Variants in IGDCC3 observed in about 807,000 individuals in gnomAD.
IGDCC3 encodes the protein immunoglobulin superfamily DCC subclass member 3.
In IGDCC3, 47 loss-of-function variants were observed where a neutral mutation model predicts 72.0. That is an observed-to-expected ratio of 0.65 (90% confidence interval 0.52 to 0.83). The LOEUF is 0.83. IGDCC3 is among the 40% of genes least tolerant of loss of function. The pLI is 0.00. For missense variants in IGDCC3, 1,038 were observed against 1,091.3 expected, an observed-to-expected ratio of 0.95 and a Z score of 0.69; for synonymous variants, 477 against 472.8, an observed-to-expected ratio of 1.01 and a Z score of -0.11.
At chr15:65,341,446 C>A (rs1024005371) in intron 2 of IGDCC3, among the ~76,000 whole-genome samples, 1 of 152,156 alleles carries the variant, frequency 6.6e-6, no homozygotes, top group Non-Finnish European at 1.5e-5. Context: ...CAGCATTATT[C>A]ACAATAGCTA....
chr15:65,334,966 GC>G, intron 4 of IGDCC3, 101 bp from the exon 5 acceptor site: 1 of 1,350,418 alleles, frequency 7.4e-7, no homozygotes, highest in Non-Finnish European at 9.9e-7. Flanking sequence ...ACAAACACCA[GC>G]CCAGAAACCA....
chr15:65,331,919 C>G (rs2090981271), intron 7 of IGDCC3, 22 bp downstream of exon 7: 2 of 1,607,172 alleles, frequency 1.2e-6, no homozygotes, highest in Non-Finnish European at 8.5e-7. Flanking sequence ...GGTCCTCACC[C>G]CAGCACACAC....
intron 2 of IGDCC3, among the ~76,000 whole-genome samples, chr15:65,358,160 C>T (rs549602160): frequency 1.4e-4 from 21 of 149,654 alleles, no homozygotes; most frequent in African/African-American, 5.2e-4. Context: ...GGCTGGAGTA[C>T]GGTGGCGTGA....
chr15:65,340,588 A>G (rs1462079686), intron 2 of IGDCC3, among the ~76,000 whole-genome samples: 1 of 152,106 alleles, frequency 6.6e-6, no homozygotes, highest in Non-Finnish European at 1.5e-5. Context: ...AGGGACACGC[A>G]GCCTTTTGGA....
chr15:65,375,535 T>C (rs1417430675), intron 1 of IGDCC3, 133 bp from the exon 2 acceptor site: 1 of 683,596 alleles, frequency 1.5e-6, no homozygotes, highest in African/African-American at 1.8e-5. Flanking sequence ...GTAATGTTAA[T>C]AGGAATTCCT....
At chr15:65,333,443 T>C (rs2090997839) in intron 5 of IGDCC3, 28 bp from the exon 6 acceptor site, 4 of 1,571,388 alleles carry the variant, frequency 2.5e-6, no homozygotes, top group African/African-American at 1.4e-5. Flanking sequence ...GGGGGATGGG[T>C]GAGGGTCAGA....
intron 2 of IGDCC3, among the ~76,000 whole-genome samples, chr15:65,345,889 AC>A (rs2091120634): frequency 6.6e-6 from 1 of 152,214 alleles, no homozygotes; most frequent in Non-Finnish European, 1.5e-5. Context: ...ATTTGGACTT[AC>A]AATGGTCTGA....
intron 2 of IGDCC3, among the ~76,000 whole-genome samples, chr15:65,343,587 T>G (rs1334722228): frequency 6.6e-6 from 1 of 152,110 alleles, no homozygotes; most frequent in East Asian, 1.9e-4. Flanking sequence ...ACCCAGCCCT[T>G]TATTGGCCAG....
chr15:65,344,688 A>G (rs1186549293), intron 2 of IGDCC3, among the ~76,000 whole-genome samples: 1 of 152,210 alleles, frequency 6.6e-6, no homozygotes. Context: ...CTGGACTTTT[A>G]CAACCCAAGG....
chr15:65,331,727 A>AGAT, intron 7 of IGDCC3, 68 bp from the exon 8 acceptor site: 1 of 1,497,298 alleles, frequency 6.7e-7, no homozygotes, highest in Non-Finnish European at 8.9e-7. Flanking sequence ...CCCATTTGAA[A>AGAT]GATGGAGAAA....
At position 65,339,367 on chromosome 15, in the gene IGDCC3, A is replaced by T. The variant is rs2091058963; in HGVS notation, c.410-3411T>A. ...AGTGCTGGGATTCCAGGCGTGAGCTACTGTGCCTGGCCAATTTTTGTATTT... is the reference window on the plus strand; with the variant it reads ...AGTGCTGGGATTCCAGGCGTGAGCTTCTGTGCCTGGCCAATTTTTGTATTT... On this transcript the variant is annotated intron_variant, in intron 2 of 13. Transcript: ENST00000327987. The surrounding 1 kb of genome is among the most constrained non-coding windows in gnomAD (Gnocchi z 4.1). Among the ~76,000 whole-genome samples the T allele has an allele frequency of 6.6e-6, 1 of 152,226 alleles. No homozygotes were observed. Among genetic ancestry groups the T allele is most frequent in the Admixed American group, 6.5e-5 (1 of 15,286 alleles).
At position 65,352,936 on chromosome 15, in the gene IGDCC3, C is replaced by T. The variant is rs2091183386; in HGVS notation, c.410-16980G>A. On this transcript the variant is annotated intron_variant, in intron 2 of 13. Coordinates refer to ENST00000327987, the MANE Select transcript of IGDCC3 (RefSeq NM_004884.4). The stretch of plus-strand genomic sequence containing the variant: ...CAATTTAGGCTAACTCTGCTTATTC[C>T]TGTGAACCAACCAGTAATCTCTGTC... Among the ~76,000 whole-genome samples, 2 of 152,138 alleles carry T rather than the reference C, an allele frequency of 1.3e-5. 1 individual carries two copies. The highest frequency in any genetic ancestry group is 4.1e-4 in the South Asian group (2 of 4,820).
intron 2 of IGDCC3, among the ~76,000 whole-genome samples, chr15:65,345,587 C>A (rs1340664260): frequency 2.6e-5 from 4 of 151,272 alleles, no homozygotes; most frequent in Non-Finnish European, 1.5e-5. Flanking sequence ...CACGCACACA[C>A]ACGCATGCAC....
chr15:65,347,937 A>AAACAACAACAAC (rs138666608), intron 2 of IGDCC3, among the ~76,000 whole-genome samples: 1 of 150,562 alleles, frequency 6.6e-6, no homozygotes, highest in East Asian at 2.0e-4. Flanking sequence ...ATTTCATCTC[A>AAACAACAACAAC]AACAACAACA....
intron 2 of IGDCC3, among the ~76,000 whole-genome samples, chr15:65,362,551 C>CAA (rs2091267990): frequency 3.6e-5 from 2 of 55,380 alleles, no homozygotes; most frequent in Non-Finnish European, 7.1e-5. Flanking sequence ...CCCCCACTGG[C>CAA]AAGGGGTGAG....
intron 2 of IGDCC3, among the ~76,000 whole-genome samples, chr15:65,366,005 C>G (rs866011803): frequency 6.6e-6 from 1 of 151,988 alleles, no homozygotes; most frequent in Non-Finnish European, 1.5e-5. Flanking sequence ...GTCAGGAGTT[C>G]GAGACCAGCC....
intron 10 of IGDCC3, 44 bp downstream of exon 10, chr15:65,330,506 G>C: frequency 6.3e-7 from 1 of 1,593,724 alleles, no homozygotes; most frequent in Non-Finnish European, 8.6e-7. Context: ...CCTCAGCGCC[G>C]CACTCTGCCA....
At chr15:65,365,702 A>T (rs2091285418) in intron 2 of IGDCC3, among the ~76,000 whole-genome samples, 1 of 152,092 alleles carries the variant, frequency 6.6e-6, no homozygotes, top group Non-Finnish European at 1.5e-5. Context: ...GAGCTCACCT[A>T]CTTCTGCTTC....
At chr15:65,347,095 C>T (rs933965182) in intron 2 of IGDCC3, among the ~76,000 whole-genome samples, 1 of 152,202 alleles carries the variant, frequency 6.6e-6, no homozygotes, top group Non-Finnish European at 1.5e-5. Flanking sequence ...ATATCCCTAA[C>T]TTCCGTCGTT....
Sources: gnomAD v4.1 joint callset for allele counts (sites outside exome capture counted in the v4.1 genomes callset) on GRCh38, gnomAD v4.1.1 for gene constraint, Gnocchi (gnomAD v3.1) non-coding constraint, MANE v1.5 for transcripts, NCBI Gene and HGNC (gene_info 2026-07-23, HGNC 2026-07-21) for gene names.